AGBL4: variants seen among roughly 807,000 people sequenced by gnomAD.
The protein encoded by AGBL4 is cytosolic carboxypeptidase 6.
Under a neutral mutation model 66.4 loss-of-function variants are expected in AGBL4, and 58 were observed. That is an observed-to-expected ratio of 0.87 (90% CI 0.71 to 1.09). The LOEUF is 1.09. Among genes scored for constraint, AGBL4 ranks in the 50% least tolerant of loss-of-function variants. The pLI is 0.00. For missense variants in AGBL4, 579 were observed against 631.0 expected (o/e 0.92, Z 0.88); for synonymous variants, 234 against 222.9 (o/e 1.05, Z -0.44).
chr1:48,643,791 G>A (rs372521796), intron 8 of AGBL4, among the ~76,000 whole-genome samples: 6 of 152,194 alleles, frequency 3.9e-5, no homozygotes, highest in Non-Finnish European at 7.3e-5. Flanking sequence ...AGCAGAGCCC[G>A]TTTGGGCCTA....
intron 1 of AGBL4, among the ~76,000 whole-genome samples, chr1:50,022,004 T>C (rs1405490163): frequency 1.3e-5 from 2 of 152,294 alleles, no homozygotes; most frequent in Admixed American, 6.5e-5. Context: ...TGTTTCCACC[T>C]GCTTGGGTTC....
At chr1:49,524,707 A>G (rs981780360) in intron 3 of AGBL4, among the ~76,000 whole-genome samples, 4 of 151,936 alleles carry the variant, frequency 2.6e-5, no homozygotes, top group African/African-American at 7.3e-5. Context: ...GGAAACTTCA[A>G]ATTTTCTTTA....
intron 5 of AGBL4, among the ~76,000 whole-genome samples, chr1:48,925,254 G>A (rs1373402254): frequency 1.3e-5 from 2 of 151,616 alleles, no homozygotes; most frequent in African/African-American, 2.4e-5. Flanking sequence ...AAAAATCCAT[G>A]GACACTCAAG....
At chr1:49,891,923 G>C (rs775161755) in intron 1 of AGBL4, among the ~76,000 whole-genome samples, 2 of 152,188 alleles carry the variant, frequency 1.3e-5, no homozygotes, top group Non-Finnish European at 2.9e-5. Flanking sequence ...CCTGTCTTCA[G>C]AGCTACATCA....
chr1:49,880,781 A>G (rs1006892014), intron 1 of AGBL4, among the ~76,000 whole-genome samples: 1 of 151,432 alleles, frequency 6.6e-6, no homozygotes. Context: ...TTGCAGTTTG[A>G]TCTCAGACTG....
At chr1:48,638,524 AGTG>A (rs1645704240) in intron 8 of AGBL4, among the ~76,000 whole-genome samples, 1 of 152,220 alleles carries the variant, frequency 6.6e-6, no homozygotes, top group South Asian at 2.1e-4. Flanking sequence ...ATGGCAGTGA[AGTG>A]GTGATAATTG....
chr1:49,508,025 C>T (rs1277384082), intron 3 of AGBL4, among the ~76,000 whole-genome samples: 1 of 151,854 alleles, frequency 6.6e-6, no homozygotes, highest in Non-Finnish European at 1.5e-5. Context: ...TGGGCAGGTA[C>T]TGGGGATACA....
chr1:49,398,019 G>T (rs1364894261), intron 3 of AGBL4, among the ~76,000 whole-genome samples: 3 of 152,196 alleles, frequency 2.0e-5, no homozygotes, highest in Non-Finnish European at 4.4e-5. Context: ...TACTTTGTTT[G>T]TCTTGGATAC....
intron 3 of AGBL4, among the ~76,000 whole-genome samples, chr1:49,646,562 T>C (rs189779037): frequency 5.9e-5 from 9 of 152,074 alleles, no homozygotes; most frequent in Admixed American, 5.9e-4. Context: ...TACATTGTGT[T>C]CACCAAAAGG....
chr1:48,578,658 G>A (rs1031299939), intron 11 of AGBL4, among the ~76,000 whole-genome samples: 4 of 152,162 alleles, frequency 2.6e-5, no homozygotes, highest in Non-Finnish European at 4.4e-5. Context: ...TACAGATGCC[G>A]ATACTGTTTC....
At chr1:49,071,378 T>C (rs979418260) in intron 4 of AGBL4, among the ~76,000 whole-genome samples, 8 of 151,996 alleles carry the variant, frequency 5.3e-5, no homozygotes, top group African/African-American at 1.9e-4. Context: ...CTTGTGGGCA[T>C]TTAGTGCTAT....
intron 10 of AGBL4, among the ~76,000 whole-genome samples, chr1:48,587,794 C>G (rs1215961361): frequency 6.6e-6 from 1 of 151,386 alleles, no homozygotes; most frequent in Admixed American, 6.6e-5. Flanking sequence ...AGGTGCCCAC[C>G]ACCACGACTG....
intron 3 of AGBL4, among the ~76,000 whole-genome samples, chr1:49,380,407 G>C (rs1427260279): frequency 6.6e-6 from 1 of 152,038 alleles, no homozygotes; most frequent in African/African-American, 2.4e-5. Flanking sequence ...ATCATGAAAA[G>C]GGCCATACTG....
intron 2 of AGBL4, among the ~76,000 whole-genome samples, chr1:49,742,582 C>T (rs1342865699): frequency 6.6e-6 from 1 of 151,900 alleles, no homozygotes; most frequent in Admixed American, 6.6e-5. Flanking sequence ...AAAAAAGAGC[C>T]CGCATCGCCA....
chr1:48,632,430 C>T (rs1645608061), intron 9 of AGBL4, among the ~76,000 whole-genome samples: 1 of 152,146 alleles, frequency 6.6e-6, no homozygotes, highest in South Asian at 2.1e-4. Flanking sequence ...CAATGGTATG[C>T]CGAAGCCTTT....
In AGBL4 at chr1:49,046,541, CAGTCAT is replaced by C. The variant is rs1195035910; in HGVS notation, c.378-747_378-742del. ...ATGCAAACAGGAAACAAAAATGTTG[CAGTCAT>C]AGTTTCCATAATGTCTTTGCATTTA... On this transcript the variant is annotated intron_variant, in intron 4 of 13. Transcript: ENST00000371839. Among the ~76,000 whole-genome samples the C allele has an allele frequency of 2.0e-5, 3 of 152,098 alleles. No individual in the cohort carries two copies. The East Asian group carries it at 5.8e-4, about 29-fold the overall frequency.
At chr1:49,442,362 G>A (rs2148670048) in intron 3 of AGBL4, among the ~76,000 whole-genome samples, 1 of 152,306 alleles carries the variant, frequency 6.6e-6, no homozygotes, top group East Asian at 1.9e-4. Flanking sequence ...GGAATGCCCT[G>A]TGCAAAAACA....
intron 3 of AGBL4, among the ~76,000 whole-genome samples, chr1:49,577,498 T>C (rs987827012): frequency 3.3e-5 from 5 of 152,186 alleles, no homozygotes; most frequent in African/African-American, 1.2e-4. Flanking sequence ...GCAGGTTGAT[T>C]ATATTGGACC....
At chr1:49,979,061 G>T (rs1187981202) in intron 1 of AGBL4, among the ~76,000 whole-genome samples, 1 of 152,136 alleles carries the variant, frequency 6.6e-6, no homozygotes, top group Non-Finnish European at 1.5e-5. Context: ...TTAAGAAAAA[G>T]TTAGGTATGC....
Sources: allele counts gnomAD v4.1 joint callset (sites outside exome capture counted in the v4.1 genomes callset), GRCh38; gene constraint gnomAD v4.1.1; transcripts MANE v1.5; gene names NCBI Gene and HGNC (gene_info 2026-07-23, HGNC 2026-07-21).